The following PTPRG variants were observed in gnomAD, a reference collection of about 807,000 sequenced individuals.
The protein encoded by PTPRG is receptor-type tyrosine-protein phosphatase gamma.
Under a neutral mutation model 165.3 loss-of-function variants are expected in PTPRG, and 102 were observed. That is an observed-to-expected ratio of 0.62 (90% CI 0.53 to 0.73). The LOEUF is 0.73. Among genes scored for constraint, PTPRG ranks in the 30% least tolerant of loss-of-function variants. The pLI is 0.00. For missense variants in PTPRG, 1,866 were observed against 1,861.4 expected, an observed-to-expected ratio of 1.00 and a Z score of -0.05; for synonymous variants, 675 against 669.5, an observed-to-expected ratio of 1.01 and a Z score of -0.13.
intron 8 of PTPRG, among the ~76,000 whole-genome samples, chr3:62,177,093 C>T (rs768875999): frequency 2.0e-5 from 3 of 151,988 alleles, no homozygotes; most frequent in Non-Finnish European, 4.4e-5. Context: ...GAGACCCCAT[C>T]TCCACCAAGA....
intron 13 of PTPRG, among the ~76,000 whole-genome samples, chr3:62,226,676 G>A (rs1217118266): frequency 6.6e-6 from 1 of 152,164 alleles, no homozygotes; most frequent in Admixed American, 6.5e-5. Context: ...ACAGAAAACT[G>A]GAAACTCCCT....
chr3:61,887,155 TATATATATATATA>T lies in PTPRG; in HGVS notation c.191-102469_191-102457del, dbSNP rs1559670210. On this transcript the variant is annotated intron_variant, in intron 2 of 29. Coordinates refer to ENST00000474889, the MANE Select transcript of PTPRG (RefSeq NM_002841.4). The stretch of plus-strand genomic sequence containing the variant: ...ATATATATATATATATATATATATA[TATATATATATATA>T]TATTTTTAATGCCATCATCAAACAC... Among the ~76,000 whole-genome samples, 20 of 58,412 alleles carry T rather than the reference TATATATATATATA, an allele frequency of 3.4e-4. 2 individuals carry two copies. The East Asian group carries it at 4.5e-3, about 13-fold the overall frequency. The allele number at this position is 58,412 out of a possible 152,430, so 38.3% of individuals were successfully genotyped here. A position where few individuals can be genotyped will look rare whatever the true frequency, so the allele number is the denominator to read the frequency against.
intron 26 of PTPRG, among the ~76,000 whole-genome samples, 158 bp downstream of exon 26, chr3:62,277,837 TA>T (rs1249212154): frequency 1.3e-5 from 2 of 152,118 alleles, no homozygotes; most frequent in African/African-American, 4.8e-5. Flanking sequence ...ATTCCTTTCA[TA>T]GTCTCACAAT....
intron 3 of PTPRG, among the ~76,000 whole-genome samples, chr3:61,990,802 C>A (rs932480712): frequency 6.6e-6 from 1 of 151,996 alleles, no homozygotes; most frequent in Non-Finnish European, 1.5e-5. Context: ...TTAGTAATCC[C>A]TTTCAGGAGC....
At position 62,215,944 on chromosome 3, in the gene PTPRG, G is replaced by A. The variant is rs532436684; in HGVS notation, c.2156-2907G>A. Among the ~76,000 whole-genome samples, 20 of 152,284 alleles carry A rather than the reference G, an allele frequency of 1.3e-4. No homozygotes were observed. The South Asian group carries it at 1.7e-3, about 13-fold the overall frequency. ...TTAGAATGGCTGAAATATGCTGGGC[G>A]CGGTGGCTCACGCCTGTAATCCCAG... is the stretch of plus-strand genomic sequence containing the variant. On this transcript the variant is annotated intron_variant, in intron 12 of 29. Coordinates refer to ENST00000474889, the MANE Select transcript of PTPRG (RefSeq NM_002841.4).
At chr3:62,134,319 T>C (rs1032057322) in intron 6 of PTPRG, among the ~76,000 whole-genome samples, 1 of 152,174 alleles carries the variant, frequency 6.6e-6, no homozygotes. Flanking sequence ...AGCAGAAATA[T>C]ATTTCATGCC....
intron 6 of PTPRG, among the ~76,000 whole-genome samples, chr3:62,154,539 G>T (rs890166572): frequency 6.6e-6 from 1 of 152,134 alleles, no homozygotes; most frequent in African/African-American, 2.4e-5. Context: ...TGCCCAATCA[G>T]CGTTCCCCTT....
intron 20 of PTPRG, among the ~76,000 whole-genome samples, chr3:62,269,519 A>G (rs1283530825): frequency 3.9e-5 from 6 of 152,150 alleles, no homozygotes; most frequent in African/African-American, 1.4e-4. Context: ...ATTGTTTCCC[A>G]AAGTATGTTC....
rs116019131 is a variant in PTPRG at position 61,693,327 on chromosome 3, G to A, written c.86-55551G>A. Reference sequence around the variant, plus strand: ...ATTTTATGTAAGAGAAAATTCAGATGCTTCTACTTATTACCCATGAGGTGT... The same window carrying A: ...ATTTTATGTAAGAGAAAATTCAGATACTTCTACTTATTACCCATGAGGTGT... On this transcript the variant is annotated intron_variant, in intron 1 of 29. Transcript: ENST00000474889. Among the ~76,000 whole-genome samples the A allele has an allele frequency of 3.9e-3, 599 of 152,268 alleles. 6 individuals are homozygous for A. Among genetic ancestry groups the A allele is most frequent in the African/African-American group, 0.014 (571 of 41,556 alleles).
intron 2 of PTPRG, among the ~76,000 whole-genome samples, chr3:61,914,718 T>A (rs945622324): frequency 6.6e-6 from 1 of 152,182 alleles, no homozygotes; most frequent in African/African-American, 2.4e-5. Context: ...TTGACCCATA[T>A]CGAGGTATAA....
intron 4 of PTPRG, among the ~76,000 whole-genome samples, chr3:62,007,836 G>A (rs1024405424): frequency 6.6e-6 from 1 of 152,210 alleles, no homozygotes; most frequent in South Asian, 2.1e-4. Flanking sequence ...CCTGAGGCAG[G>A]TGGTGTTTGT....
chr3:62,028,310 C>G (rs78121531), intron 4 of PTPRG, among the ~76,000 whole-genome samples: 1 of 152,126 alleles, frequency 6.6e-6, no homozygotes, highest in Non-Finnish European at 1.5e-5. Flanking sequence ...GGCAATGATA[C>G]GCTAATTACA....
At chr3:61,767,239 T>TAAAAAAAAA (rs1371380259) in intron 2 of PTPRG, among the ~76,000 whole-genome samples, 2 of 73,098 alleles carry the variant, frequency 2.7e-5, no homozygotes, top group South Asian at 4.8e-4. Flanking sequence ...AGATTCCATC[T>TAAAAAAAAA]CAAAAAAAAA....
intron 2 of PTPRG, among the ~76,000 whole-genome samples, chr3:61,849,960 C>T (rs1559648180): frequency 1.3e-5 from 2 of 152,080 alleles, no homozygotes; most frequent in South Asian, 2.1e-4. Flanking sequence ...CTAAGCAATA[C>T]ATAGTTATTT....
At chr3:61,870,560 T>A (rs1257779657) in intron 2 of PTPRG, among the ~76,000 whole-genome samples, 2 of 49,646 alleles carry the variant, frequency 4.0e-5, no homozygotes, top group Admixed American at 1.7e-4. Flanking sequence ...AGAGATGGAT[T>A]TTTTTTTTTT....
chr3:61,686,747 A>G (rs956512085), intron 1 of PTPRG, among the ~76,000 whole-genome samples: 1 of 152,194 alleles, frequency 6.6e-6, no homozygotes, highest in East Asian at 1.9e-4. Flanking sequence ...GAACAGATAC[A>G]TATGTTTGTC....
chr3:62,163,104 A>G (rs563864338), intron 7 of PTPRG, among the ~76,000 whole-genome samples: 1 of 152,122 alleles, frequency 6.6e-6, no homozygotes. Flanking sequence ...TCTCGTGAGA[A>G]TCCACTCACT....
chr3:62,191,752 T>C, intron 9 of PTPRG, 99 bp downstream of exon 9: 2 of 1,220,652 alleles, frequency 1.6e-6, no homozygotes, highest in Non-Finnish European at 2.3e-6. Flanking sequence ...CTCTGTGTCA[T>C]CTGTCCTCAC....
At position 61,748,871 on chromosome 3, in the gene PTPRG, C is replaced by T; in HGVS notation, c.86-7C>T. ...TTTGTCTCATTGTGGGTTTTCCTCT[C>T]TTCCAGCGTTGACAGAAGGCTACGT... On this transcript the variant is annotated splice_region_variant and splice_polypyrimidine_tract_variant and intron_variant, in intron 1 of 29. Transcript: ENST00000474889. The T allele has an allele frequency of 2.5e-6, 4 of 1,612,152 alleles. No homozygotes were observed. The highest frequency in any genetic ancestry group is 1.1e-5 in the South Asian group (1 of 90,990).
Sources: gnomAD v4.1 joint callset for allele counts (sites outside exome capture counted in the v4.1 genomes callset) on GRCh38, gnomAD v4.1.1 for gene constraint, MANE v1.5 for transcripts, NCBI Gene and HGNC (gene_info 2026-07-23, HGNC 2026-07-21) for gene names.